COL6A6: variants seen among roughly 807,000 people sequenced by gnomAD.
COL6A6 encodes collagen alpha-6(VI) chain.
COL6A6 carries 183 observed loss-of-function variants against 208.6 expected under a neutral mutation model. That is an observed-to-expected ratio of 0.88 (90% confidence interval 0.78 to 0.99). The LOEUF is 0.99. COL6A6 is among the 50% of genes least tolerant of loss of function. COL6A6 has a pLI of 0.00. For missense variants in COL6A6, 2,816 were observed against 2,815.2 expected (o/e 1.00, Z -0.01); for synonymous variants, 973 against 1,011.8 (o/e 0.96, Z 0.73).
chr3:130,597,678 G>A (rs1282374959), intron 18 of COL6A6, among the ~76,000 whole-genome samples: 7 of 152,222 alleles, frequency 4.6e-5, no homozygotes, highest in Admixed American at 2.0e-4. Flanking sequence ...AAAGACTTTG[G>A]TTTGGCCTGC....
intron 19 of COL6A6, among the ~76,000 whole-genome samples, 189 bp from the exon 20 acceptor site, chr3:130,599,568 C>T (rs1029093754): frequency 1.3e-5 from 2 of 152,140 alleles, no homozygotes; most frequent in Non-Finnish European, 2.9e-5. Context: ...TTTTTTCCTG[C>T]AATTCCTCAT....
At chr3:130,665,380 C>T (rs1285603641) in intron 36 of COL6A6, among the ~76,000 whole-genome samples, 1 of 152,030 alleles carries the variant, frequency 6.6e-6, no homozygotes, top group South Asian at 2.1e-4. Context: ...CTGATAACCA[C>T]ATTGTGGTTT....
chr3:130,592,940 C>A, intron 15 of COL6A6, 121 bp from the exon 16 acceptor site: 1 of 953,080 alleles, frequency 1.0e-6, no homozygotes, highest in Non-Finnish European at 1.6e-6. Flanking sequence ...ATATTAATAA[C>A]CCAGGCCCAG....
intron 34 of COL6A6, among the ~76,000 whole-genome samples, chr3:130,660,881 C>T (rs1376869940): frequency 6.6e-6 from 1 of 152,184 alleles, no homozygotes. Flanking sequence ...GCCACAGTCT[C>T]TTCTGTAAAA....
Position 130,574,495 on chromosome 3 carries a change from C to A in COL6A6, c.3517C>A (p.Arg1173Ser). Reference sequence around the variant, plus strand: ...GAAGAAGGTCAATAAAAGGATCGTTCGCAACATCTGTACCACAGCGGGTGA... The same window carrying A: ...GAAGAAGGTCAATAAAAGGATCGTTAGCAACATCTGTACCACAGCGGGTGA... ...ELKKVNKRIVRNICTTAGESN... is the reference protein window; with the variant it reads ...ELKKVNKRIVSNICTTAGESN... The change falls in exon 8 of 37, where the codon CGC (arginine) becomes AGC (serine). Residue 1173 changes from arginine (R) to serine (S), a missense_variant. By Grantham distance (110) the Arg-to-Ser change is moderately radical (BLOSUM62 -1). Transcript: ENST00000358511. 1 of 1,613,940 alleles carries A rather than the reference C, an allele frequency of 6.2e-7. No homozygotes were observed. Among genetic ancestry groups the A allele is most frequent in the South Asian group, 1.1e-5 (1 of 91,080 alleles).
rs190256156 is a variant in COL6A6 at position 130,586,299 on chromosome 3, T to C, written c.3971-207T>C. On this transcript the variant is annotated intron_variant, in intron 10 of 36. Transcript: ENST00000358511. ...TACAATTTTCCCTGTCTCCAATTTATTTAGTTTTGAAAAACATAATTCCTT... is the reference window on the plus strand; with the variant it reads ...TACAATTTTCCCTGTCTCCAATTTACTTAGTTTTGAAAAACATAATTCCTT... Among the ~76,000 whole-genome samples the C allele has an allele frequency of 2.6e-5, 4 of 152,364 alleles. No homozygotes were observed. The East Asian group carries it at 7.7e-4, about 29-fold the overall frequency.
In COL6A6 at chr3:130,675,188, C is replaced by A; in HGVS notation, c.6597-14C>A. 1 of 1,505,426 alleles carries A rather than the reference C, an allele frequency of 6.6e-7. No individual in the cohort carries two copies. The highest frequency in any genetic ancestry group is 1.3e-5 in the South Asian group (1 of 75,134). The allele number at this position is 1,505,426 out of a possible 1,614,324, so 93.3% of individuals were successfully genotyped here. On this transcript the variant is annotated splice_polypyrimidine_tract_variant and intron_variant, in intron 36 of 36. Coordinates refer to ENST00000358511, the MANE Select transcript of COL6A6 (RefSeq NM_001102608.3). ...TGGCATTTATCTTCTATGATGTTCT[C>A]TTTTGTTGTATAGCTTTGTTCCTGG...
intron 10 of COL6A6, among the ~76,000 whole-genome samples, chr3:130,582,787 T>G (rs114527764): frequency 9.8e-5 from 15 of 152,298 alleles, no homozygotes; most frequent in Non-Finnish European, 2.2e-4. Context: ...ACTCACAGCT[T>G]ACTCCTTCTC....
intron 5 of COL6A6, among the ~76,000 whole-genome samples, chr3:130,567,666 C>T (rs2063060598): frequency 6.6e-6 from 1 of 152,026 alleles, no homozygotes; most frequent in African/African-American, 2.4e-5. Context: ...GATTTTGCAC[C>T]CTTAGAGGTT....
At chr3:130,590,908 T>C in intron 12 of COL6A6, 133 bp from the exon 13 acceptor site, 2 of 702,138 alleles carry the variant, frequency 2.8e-6, no homozygotes, top group Non-Finnish European at 5.0e-6. Context: ...CAACCTACAT[T>C]GGGAAGGAAG....
rs1250817042 is a variant in COL6A6 at position 130,567,186 on chromosome 3, A to C, written c.1767A>C (p.Arg589Ser). The C allele has an allele frequency of 1.2e-5, 20 of 1,613,388 alleles. No individual in the cohort carries two copies. Among genetic ancestry groups the C allele is most frequent in the Non-Finnish European group, 1.6e-5 (19 of 1,179,790 alleles). ...GAGAAATTGCAGGAGAGGAAAAGAG[A>C]GTGTATTACGTGCATGACTTTGATG... ...QLREIAGEEK[R>S]VYYVHDFDAL... Residue 589 changes from arginine (R) to serine (S), a missense_variant, in exon 5 of 37, where the codon AGA becomes AGC. Coordinates refer to ENST00000358511, the MANE Select transcript of COL6A6 (RefSeq NM_001102608.3).
rs933730454 is a variant in COL6A6 at position 130,522,099 on chromosome 3, G to A, written c.-32+4702G>A. On this transcript the variant is annotated intron_variant, in intron 1 of 36. Coordinates refer to ENST00000358511, the MANE Select transcript of COL6A6 (RefSeq NM_001102608.3). Reference sequence around the variant, plus strand: ...TATAAGTTATACTGCAGTAAACTAAGTATAGCTTATACTTAGCCAAGTGGA... The same window carrying A: ...TATAAGTTATACTGCAGTAAACTAAATATAGCTTATACTTAGCCAAGTGGA... Among the ~76,000 whole-genome samples the A allele has an allele frequency of 3.3e-5, 5 of 152,272 alleles. No homozygotes were observed. In the East Asian group the frequency reaches 9.6e-4, roughly 29 times the overall value.
Position 130,649,325 on chromosome 3 carries a change from T to G in COL6A6, c.5496T>G (p.Pro1832=). 1 of 1,608,934 alleles carries G rather than the reference T, an allele frequency of 6.2e-7. No homozygotes were observed. The highest frequency in any genetic ancestry group is 1.3e-5 in the African/African-American group (1 of 74,940). The change falls in exon 33 of 37, where the codon CCT becomes CCG. Residue 1832 remains proline, a synonymous_variant. Transcript: ENST00000358511. ...SQLLREIETI[P]YERSSASREI... ...TTCTCAGAGAAATTGAAACTATTCC[T>G]TATGAGAGATCCTCTGCCAGCAGGG...
At chr3:130,602,090 C>T (rs2064040371) in intron 20 of COL6A6, among the ~76,000 whole-genome samples, 1 of 152,152 alleles carries the variant, frequency 6.6e-6, no homozygotes, top group Non-Finnish European at 1.5e-5. Flanking sequence ...TTATGTACAA[C>T]TAGCAACCAA....
chr3:130,522,646 C>T (rs1367886237), intron 1 of COL6A6, among the ~76,000 whole-genome samples: 2 of 152,170 alleles, frequency 1.3e-5, no homozygotes, highest in Non-Finnish European at 2.9e-5. Flanking sequence ...ACAAGTCCAA[C>T]AAGTCCCAAA....
intron 17 of COL6A6, among the ~76,000 whole-genome samples, chr3:130,593,461 CG>C (rs1335215293): frequency 6.6e-6 from 1 of 152,044 alleles, no homozygotes; most frequent in Non-Finnish European, 1.5e-5. Context: ...GTAAGGTGGC[CG>C]GGGGCTTTAC....
intron 10 of COL6A6, among the ~76,000 whole-genome samples, chr3:130,584,913 C>CTT (rs1239984037): frequency 6.6e-6 from 1 of 152,030 alleles, no homozygotes; most frequent in African/African-American, 2.4e-5. Flanking sequence ...CGCACCCGGC[C>CTT]TCTTTCTTTC....
chr3:130,517,210 G>A lies in COL6A6; in HGVS notation c.-219G>A, dbSNP rs1159710109. ...CTTGCCTGCGGGACACCGGAGTCAAGAGGCTGCCCACGCCGCTGCCTGTCC... is the reference window on the plus strand; with the variant it reads ...CTTGCCTGCGGGACACCGGAGTCAAAAGGCTGCCCACGCCGCTGCCTGTCC... On this transcript the variant is annotated 5_prime_UTR_variant, in exon 1 of 37. Transcript: ENST00000358511. Among the ~76,000 whole-genome samples, 1 of 152,214 alleles carries A rather than the reference G, an allele frequency of 6.6e-6. No individual in the cohort carries two copies. Among genetic ancestry groups the A allele is most frequent in the Non-Finnish European group, 1.5e-5 (1 of 68,028 alleles).
intron 1 of COL6A6, among the ~76,000 whole-genome samples, chr3:130,522,640 G>A (rs529321529): frequency 6.6e-6 from 1 of 152,104 alleles, no homozygotes; most frequent in Non-Finnish European, 1.5e-5. Flanking sequence ...TGCACCACAA[G>A]TCCAACAAGT....
Sources: allele counts gnomAD v4.1 joint callset (sites outside exome capture counted in the v4.1 genomes callset), GRCh38; gene constraint gnomAD v4.1.1; transcripts MANE v1.5; gene names NCBI Gene and HGNC (gene_info 2026-07-23, HGNC 2026-07-21).